SRGAP1: variants seen among roughly 807,000 people sequenced by gnomAD.
The protein encoded by SRGAP1 is SLIT-ROBO Rho GTPase-activating protein 1.
SRGAP1 carries 43 observed loss-of-function variants against 121.9 expected under a neutral mutation model. That is an observed-to-expected ratio of 0.35 (90% CI 0.28 to 0.46). The LOEUF is 0.46. SRGAP1 is among the 20% of genes least tolerant of loss of function. The pLI, the probability that SRGAP1 is intolerant of heterozygous loss-of-function variation, is 1.00. For missense variants in SRGAP1, 1,102 were observed against 1,350.9 expected, an observed-to-expected ratio of 0.82 and a Z score of 2.89; for synonymous variants, 447 against 485.4, an observed-to-expected ratio of 0.92 and a Z score of 1.04.
rs750351170 is a variant in SRGAP1, at chr12:64,150,934, C to CAAAAAAAAAAAAAAAAAAAA, written c.*8269_*8288dup. On this transcript the variant is annotated 3_prime_UTR_variant, in exon 22 of 22. Transcript: ENST00000355086. ...TGGGTGGAAGAGTGAGAAGCTATCT[C>CAAAAAAAAAAAAAAAAAAAA]AAAAAAAAAAAAAAAAAAAAAAAAA... is the stretch of plus-strand genomic sequence containing the variant. 42 of 24,712 alleles carry CAAAAAAAAAAAAAAAAAAAA rather than the reference C, an allele frequency of 1.7e-3. 10 individuals are homozygous for CAAAAAAAAAAAAAAAAAAAA. The highest frequency in any genetic ancestry group is 2.9e-3 in the Non-Finnish European group (28 of 9,646). The allele number at this position is 24,712 out of a possible 1,614,324, so 1.5% of individuals were successfully genotyped here. A position where few individuals can be genotyped will look rare whatever the true frequency, so the allele number is the denominator to read the frequency against.
chr12:63,886,634 G>A (rs1409179452), intron 1 of SRGAP1, among the ~76,000 whole-genome samples: 1 of 149,742 alleles, frequency 6.7e-6, no homozygotes, highest in African/African-American at 2.5e-5. Flanking sequence ...TGTGCGCCCA[G>A]CTAATTTTTT....
intron 1 of SRGAP1, among the ~76,000 whole-genome samples, chr12:63,871,460 A>G (rs998379658): frequency 6.6e-6 from 1 of 152,222 alleles, no homozygotes. Context: ...GAAAAAGAAC[A>G]CAGGGCAATG....
chr12:63,988,850 G>T (rs1170612994), intron 2 of SRGAP1, among the ~76,000 whole-genome samples: 1 of 152,134 alleles, frequency 6.6e-6, no homozygotes, highest in Admixed American at 6.5e-5. Flanking sequence ...TCGCCCTGTC[G>T]CCCAGGCTGG....
intron 3 of SRGAP1, among the ~76,000 whole-genome samples, chr12:63,992,982 C>T (rs533608170): frequency 6.6e-4 from 100 of 152,238 alleles, no homozygotes; most frequent in African/African-American, 2.1e-3. Flanking sequence ...CTGCCTTCCT[C>T]GAGCAAACAC....
chr12:63,849,263 CAGA>C (rs1898999574), intron 1 of SRGAP1, among the ~76,000 whole-genome samples: 1 of 152,120 alleles, frequency 6.6e-6, no homozygotes, highest in African/African-American at 2.4e-5. Context: ...AATTGGCTAG[CAGA>C]AGGTTTTGAA....
chr12:63,883,144 C>A (rs977859938), intron 1 of SRGAP1, among the ~76,000 whole-genome samples: 1 of 152,212 alleles, frequency 6.6e-6, no homozygotes, highest in Admixed American at 6.5e-5. Context: ...TCCCATTAAA[C>A]CCTGAAAGTC....
chr12:63,951,064 T>TTA (rs745512908), intron 1 of SRGAP1, among the ~76,000 whole-genome samples: 127 of 151,884 alleles, frequency 8.4e-4, no homozygotes, highest in Non-Finnish European at 1.6e-3. Context: ...TATCCTTACT[T>TTA]TATCTCAGGT....
At chr12:64,077,140 G>A (rs2035752755) in intron 8 of SRGAP1, among the ~76,000 whole-genome samples, 1 of 152,094 alleles carries the variant, frequency 6.6e-6, no homozygotes, top group South Asian at 2.1e-4. Context: ...TTTTAAAGCA[G>A]CTGGAAAAAG....
intron 8 of SRGAP1, among the ~76,000 whole-genome samples, chr12:64,069,515 G>A (rs2035603227): frequency 6.6e-6 from 1 of 152,200 alleles, no homozygotes; most frequent in Admixed American, 6.5e-5. Context: ...CGATCTGTCA[G>A]TGAATATTCA....
intron 6 of SRGAP1, among the ~76,000 whole-genome samples, chr12:64,055,886 G>A (rs1593083920): frequency 6.6e-6 from 1 of 152,212 alleles, no homozygotes; most frequent in African/African-American, 2.4e-5. Flanking sequence ...ACCATCTGAT[G>A]GCTCCTAGAT....
intron 1 of SRGAP1, among the ~76,000 whole-genome samples, chr12:63,893,773 G>T (rs761910052): frequency 6.6e-6 from 1 of 152,114 alleles, no homozygotes; most frequent in Non-Finnish European, 1.5e-5. Flanking sequence ...TCAGAGCTTT[G>T]TTACTCTAAT....
intron 1 of SRGAP1, among the ~76,000 whole-genome samples, chr12:63,891,307 A>C (rs944018012): frequency 6.6e-6 from 1 of 152,208 alleles, no homozygotes; most frequent in South Asian, 2.1e-4. Context: ...GGGTGTGCCC[A>C]GTGTACTTAT....
chr12:63,888,678 C>T (rs1340610120), intron 1 of SRGAP1: 1 of 152,152 alleles, frequency 6.6e-6, no homozygotes, highest in African/African-American at 2.4e-5. Context: ...GAAATTCTGC[C>T]TAAGCTAAGG....
intron 1 of SRGAP1, among the ~76,000 whole-genome samples, chr12:63,944,088 C>G (rs1371277977): frequency 6.6e-6 from 1 of 152,106 alleles, no homozygotes; most frequent in Non-Finnish European, 1.5e-5. Flanking sequence ...TTGGTAATGG[C>G]CAGCCATGTA....
In SRGAP1 at chr12:64,147,476, T is replaced by C; in HGVS notation, c.*4804T>C. 1 of 343,026 alleles carries C rather than the reference T, an allele frequency of 2.9e-6. No individual in the cohort carries two copies. Among genetic ancestry groups the C allele is most frequent in the South Asian group, 1.4e-4 (1 of 7,194 alleles). 21.2% of individuals were successfully genotyped at this position (343,026 alleles called of 1,614,324 possible). A position where few individuals can be genotyped will look rare whatever the true frequency, so the allele number is the denominator to read the frequency against. ...CCTCGGTGCTCAGTAATGTCCCATC[T>C]CACCTCCCTGTCGGTCCTCAGACTG... On this transcript the variant is annotated 3_prime_UTR_variant, in exon 22 of 22. Coordinates refer to ENST00000355086, the MANE Select transcript of SRGAP1 (RefSeq NM_020762.4).
chr12:64,052,312 G>A (rs1055322936), intron 6 of SRGAP1, among the ~76,000 whole-genome samples: 3 of 152,072 alleles, frequency 2.0e-5, no homozygotes, highest in Non-Finnish European at 4.4e-5. Flanking sequence ...CCAGCACTTC[G>A]GGAGGCTGAG....
At chr12:64,033,942 C>A (rs927788747) in intron 4 of SRGAP1, among the ~76,000 whole-genome samples, 2 of 152,032 alleles carry the variant, frequency 1.3e-5, no homozygotes, top group South Asian at 4.2e-4. Flanking sequence ...ATTGCTTGAA[C>A]CCGGTGTGAG....
intron 1 of SRGAP1, among the ~76,000 whole-genome samples, chr12:63,893,957 G>A (rs576276629): frequency 1.3e-5 from 2 of 152,268 alleles, no homozygotes; most frequent in South Asian, 4.1e-4. Context: ...TCCTGCCTCG[G>A]CCTCTCAAGT....
intron 7 of SRGAP1, among the ~76,000 whole-genome samples, chr12:64,063,550 A>G (rs569759129): frequency 6.6e-6 from 1 of 152,344 alleles, no homozygotes; most frequent in Admixed American, 6.5e-5. Flanking sequence ...AAAAAAGTAC[A>G]AAACTTTTTT....
Sources: allele counts gnomAD v4.1 joint callset (sites outside exome capture counted in the v4.1 genomes callset), GRCh38; gene constraint gnomAD v4.1.1; transcripts MANE v1.5; gene names NCBI Gene and HGNC (gene_info 2026-07-23, HGNC 2026-07-21).